AFF3: variants seen among roughly 807,000 people sequenced by gnomAD.
AFF3 encodes ALF transcription elongation factor 3, also known as AF4/FMR2 family member 3.
AFF3 carries 32 observed loss-of-function variants against 129.7 expected under a neutral mutation model. The observed-to-expected ratio is 0.25, with a 90% CI of 0.19 to 0.33. AFF3 has a LOEUF of 0.33. Among genes scored for constraint, AFF3 ranks in the 10% least tolerant of loss-of-function variants. The pLI is 1.00. For synonymous variants in AFF3, 644 were observed against 635.4 expected, an observed-to-expected ratio of 1.01 and a Z score of -0.20; for missense variants, 1,373 against 1,592.0, an observed-to-expected ratio of 0.86 and a Z score of 2.34.
In AFF3 at chr2:99,733,721, A is replaced by G. The variant is rs140273794; in HGVS notation, c.1040-6593T>C. Reference sequence around the variant, plus strand: ...GTCCATTCTTTCTCTATTAATCTATATCATCATCTCTGCCATGAGTCCAGT... The same window carrying G: ...GTCCATTCTTTCTCTATTAATCTATGTCATCATCTCTGCCATGAGTCCAGT... On this transcript the variant is annotated intron_variant, in intron 10 of 24. Coordinates refer to ENST00000672756, the MANE Select transcript of AFF3 (RefSeq NM_001386135.1). 2.6e-3 allele frequency among the ~76,000 whole-genome samples: 390 copies of G among 152,178 alleles called. 1 individual carries two copies. The highest frequency in any genetic ancestry group is 8.7e-3 in the African/African-American group (360 of 41,532).
chr2:99,814,936 G>A (rs1054882461), intron 8 of AFF3, among the ~76,000 whole-genome samples: 8 of 150,380 alleles, frequency 5.3e-5, no homozygotes, highest in Non-Finnish European at 1.2e-4. Context: ...TGCAACCTCT[G>A]TCTCCCAGGT....
chr2:99,612,270 C>T (rs1159859749), intron 13 of AFF3, among the ~76,000 whole-genome samples: 1 of 152,224 alleles, frequency 6.6e-6, no homozygotes, highest in Non-Finnish European at 1.5e-5. Flanking sequence ...TTCCAACCTC[C>T]AGCTCTAGTT....
intron 7 of AFF3, among the ~76,000 whole-genome samples, chr2:99,978,909 C>A (rs1372194507): frequency 2.0e-5 from 3 of 151,052 alleles, no homozygotes; most frequent in Non-Finnish European, 4.4e-5. Flanking sequence ...ATTGTTTACA[C>A]ATCACACATA....
intron 7 of AFF3, among the ~76,000 whole-genome samples, chr2:99,901,688 T>A (rs1418666062): frequency 6.6e-6 from 1 of 152,194 alleles, no homozygotes; most frequent in Non-Finnish European, 1.5e-5. Context: ...GCTGCAGTAC[T>A]GAGTCTAGCT....
At chr2:99,658,537 A>G (rs1291524109) in intron 12 of AFF3, among the ~76,000 whole-genome samples, 1 of 152,122 alleles carries the variant, frequency 6.6e-6, no homozygotes, top group Non-Finnish European at 1.5e-5. Context: ...TTTAGTAGAG[A>G]TGGGGTTTCA....
At chr2:99,724,271 C>CTTTCTTTTTTTTTTTTTTTT (rs1411290883) in intron 11 of AFF3, among the ~76,000 whole-genome samples, 3 of 66,862 alleles carry the variant, frequency 4.5e-5, no homozygotes, top group Admixed American at 2.5e-4. Flanking sequence ...AATGACCTTT[C>CTTTCTTTTTTTTTTTTTTTT]TTTTTTTTTT....
At chr2:99,675,540 G>A (rs988547014) in intron 11 of AFF3, among the ~76,000 whole-genome samples, 1 of 152,204 alleles carries the variant, frequency 6.6e-6, no homozygotes, top group Non-Finnish European at 1.5e-5. Flanking sequence ...AGCAAACGGC[G>A]CTTGTTCTTG....
intron 7 of AFF3, among the ~76,000 whole-genome samples, chr2:99,850,328 C>T (rs1421060390): frequency 6.6e-6 from 1 of 152,186 alleles, no homozygotes; most frequent in Non-Finnish European, 1.5e-5. Context: ...GGGAGAATGG[C>T]AAGACCAAGG....
At chr2:99,989,832 A>C (rs904471586) in intron 7 of AFF3, among the ~76,000 whole-genome samples, 2 of 152,224 alleles carry the variant, frequency 1.3e-5, no homozygotes, top group African/African-American at 4.8e-5. Flanking sequence ...ATGCAAATAA[A>C]ATCAGATAAT....
At chr2:100,129,782 A>C (rs1692348109) in intron 1 of AFF3, among the ~76,000 whole-genome samples, 1 of 152,216 alleles carries the variant, frequency 6.6e-6, no homozygotes, top group South Asian at 2.1e-4. Context: ...AACCCAGATG[A>C]GAGTTCCATT....
intron 11 of AFF3, among the ~76,000 whole-genome samples, chr2:99,693,103 G>C (rs1015977269): frequency 6.6e-6 from 1 of 152,220 alleles, no homozygotes. Context: ...CAAATGGACA[G>C]ATTCCCAACA....
intron 7 of AFF3, among the ~76,000 whole-genome samples, chr2:99,856,380 G>A (rs998205478): frequency 2.0e-5 from 3 of 152,002 alleles, no homozygotes; most frequent in African/African-American, 7.2e-5. Flanking sequence ...ACTCACATGG[G>A]GAGAGACAAC....
intron 8 of AFF3, among the ~76,000 whole-genome samples, chr2:99,816,231 T>C (rs1687221598): frequency 6.6e-6 from 1 of 152,226 alleles, no homozygotes; most frequent in Admixed American, 6.5e-5. Flanking sequence ...TTTGGCGACA[T>C]GGCCTATATA....
intron 8 of AFF3, among the ~76,000 whole-genome samples, chr2:99,764,101 C>T (rs2163042): frequency 0.016 from 2,441 of 152,308 alleles, 158 homozygotes; most frequent in Admixed American, 0.11. Context: ...AAACTGGAAA[C>T]ACTGAGGGTA....
In AFF3 at chr2:100,104,912, C is replaced by T; in HGVS notation, c.-64-394G>A. 2 of 178,206 alleles carry T rather than the reference C, an allele frequency of 1.1e-5. 1 individual carries two copies. The highest frequency in any genetic ancestry group is 2.1e-5 in the Non-Finnish European group (2 of 96,464). 11.0% of individuals were successfully genotyped at this position (178,206 alleles called of 1,614,324 possible). The stretch of plus-strand genomic sequence containing the variant: ...CCGAGGCGCGCGCGCACCGTGAGCC[C>T]CGCGCCGCGCCCGCCCCGCGCGCCC... On this transcript the variant is annotated intron_variant, in intron 3 of 24. Transcript: ENST00000672756.
At chr2:99,871,488 T>C (rs1170516714) in intron 7 of AFF3, among the ~76,000 whole-genome samples, 2 of 151,790 alleles carry the variant, frequency 1.3e-5, no homozygotes, top group African/African-American at 4.9e-5. Flanking sequence ...GATAAGGTGA[T>C]AAAATTACTG....
chr2:99,747,319 T>C (rs1165572419), intron 9 of AFF3, among the ~76,000 whole-genome samples: 1 of 152,040 alleles, frequency 6.6e-6, no homozygotes, highest in Non-Finnish European at 1.5e-5. Context: ...CTTGAGCCAC[T>C]GCGCCCGGCC....
intron 4 of AFF3, among the ~76,000 whole-genome samples, chr2:100,036,438 A>G (rs1479068463): frequency 6.6e-6 from 1 of 152,180 alleles, no homozygotes; most frequent in African/African-American, 2.4e-5. Flanking sequence ...AATATTTGGG[A>G]AAAAATACAT....
intron 7 of AFF3, among the ~76,000 whole-genome samples, chr2:100,001,577 C>A (rs1206621045): frequency 6.6e-6 from 1 of 152,132 alleles, no homozygotes. Flanking sequence ...TACAGGCATG[C>A]GCCACCACGC....
Sources: gnomAD v4.1 joint callset for allele counts (sites outside exome capture counted in the v4.1 genomes callset) on GRCh38, gnomAD v4.1.1 for gene constraint, MANE v1.5 for transcripts, NCBI Gene and HGNC (gene_info 2026-07-23, HGNC 2026-07-21) for gene names.